The following THADA variants were observed in gnomAD, a reference collection of about 807,000 sequenced individuals.
THADA encodes the protein tRNA (32-2'-O)-methyltransferase regulator THADA.
Under a neutral mutation model 219.8 loss-of-function variants are expected in THADA, and 213 were observed. The ratio of observed to expected loss-of-function variants is 0.97; its 90% CI spans 0.87 to 1.09. The LOEUF (loss-of-function observed/expected upper bound fraction) is 1.09. THADA is among the 50% of genes least tolerant of loss of function. THADA has a pLI of 0.00. For missense variants in THADA, 2,956 were observed against 2,311.3 expected, an observed-to-expected ratio of 1.28 and a Z score of -5.72; for synonymous variants, 1,018 against 828.9, an observed-to-expected ratio of 1.23 and a Z score of -3.92.
intron 26 of THADA, among the ~76,000 whole-genome samples, chr2:43,437,243 C>T (rs1196258859): frequency 6.6e-6 from 1 of 152,194 alleles, no homozygotes; most frequent in Non-Finnish European, 1.5e-5. Context: ...TTTTCTTAGA[C>T]TTCCAATCTA....
chr2:43,349,249 G>T (rs1399916977), intron 29 of THADA, among the ~76,000 whole-genome samples: 2 of 152,144 alleles, frequency 1.3e-5, no homozygotes, highest in African/African-American at 4.8e-5. Context: ...CTTAATGAAA[G>T]TTTGAGGGGA....
chr2:43,473,621 T>A (rs1211171829), intron 26 of THADA, among the ~76,000 whole-genome samples: 1 of 152,136 alleles, frequency 6.6e-6, no homozygotes, highest in Non-Finnish European at 1.5e-5. Flanking sequence ...TGTTAGGCTT[T>A]TTTTTTTGAG....
chr2:43,294,825 T>C (rs958148724), intron 31 of THADA, among the ~76,000 whole-genome samples: 5 of 149,270 alleles, frequency 3.3e-5, no homozygotes, highest in Admixed American at 3.3e-4. Flanking sequence ...GGTGATCATT[T>C]AAAAAGGCAA....
chr2:43,358,151 T>C (rs1021683463), intron 29 of THADA, among the ~76,000 whole-genome samples: 7 of 152,220 alleles, frequency 4.6e-5, no homozygotes, highest in Non-Finnish European at 8.8e-5. Context: ...TGAATCTGTA[T>C]AATGACTACC....
chr2:43,310,214 C>T (rs1209356283), intron 31 of THADA, among the ~76,000 whole-genome samples: 1 of 79,594 alleles, frequency 1.3e-5, no homozygotes, highest in Non-Finnish European at 2.4e-5. Context: ...TCCCTCCCTC[C>T]CTCCCTTTCC....
intron 22 of THADA, among the ~76,000 whole-genome samples, chr2:43,509,349 A>G (rs1056778423): frequency 1.3e-5 from 2 of 152,204 alleles, no homozygotes; most frequent in African/African-American, 4.8e-5. Context: ...GAGCTTCTGC[A>G]TTATTACATT....
chr2:43,312,349 G>A (rs1429439937), intron 31 of THADA, among the ~76,000 whole-genome samples: 1 of 152,128 alleles, frequency 6.6e-6, no homozygotes, highest in Non-Finnish European at 1.5e-5. Flanking sequence ...CATTATATGA[G>A]GCCTTTAACT....
chr2:43,296,358 C>T (rs1012131225), intron 31 of THADA, among the ~76,000 whole-genome samples: 1 of 151,724 alleles, frequency 6.6e-6, no homozygotes, highest in Non-Finnish European at 1.5e-5. Flanking sequence ...TCACTGCAAC[C>T]TTCGCCTCCC....
chr2:43,335,388 G>A (rs977380036), intron 30 of THADA, among the ~76,000 whole-genome samples: 1 of 152,162 alleles, frequency 6.6e-6, no homozygotes, highest in South Asian at 2.1e-4. Context: ...GTGTGAAAAC[G>A]GATAAATCCT....
At chr2:43,312,075 T>C (rs1335422045) in intron 31 of THADA, among the ~76,000 whole-genome samples, 2 of 151,946 alleles carry the variant, frequency 1.3e-5, no homozygotes, top group East Asian at 1.9e-4. Context: ...AACCACTAGG[T>C]TGGCATAGTG....
chr2:43,328,297 T>C (rs1326035785), intron 30 of THADA, among the ~76,000 whole-genome samples: 1 of 152,204 alleles, frequency 6.6e-6, no homozygotes, highest in Admixed American at 6.5e-5. Flanking sequence ...GGCAGAAGCT[T>C]GTAGGGCCTG....
rs116191201 is a variant in THADA at position 43,428,724 on chromosome 2, C to A, written c.3927-493G>T. ...AAATGTGCATCATAAGAAAAAACTACTAGCAAAACAGGGAAATGGGCTTTC... is the reference window on the plus strand; with the variant it reads ...AAATGTGCATCATAAGAAAAAACTAATAGCAAAACAGGGAAATGGGCTTTC... On this transcript the variant is annotated intron_variant, in intron 27 of 37. Transcript: ENST00000405975. Among the ~76,000 whole-genome samples the A allele has an allele frequency of 4.7e-3, 714 of 152,062 alleles. 4 individuals are homozygous for A. The highest frequency in any genetic ancestry group is 0.016 in the African/African-American group (681 of 41,456).
intron 26 of THADA, among the ~76,000 whole-genome samples, chr2:43,474,077 T>A (rs907485387): frequency 3.9e-5 from 6 of 152,190 alleles, no homozygotes; most frequent in Admixed American, 6.5e-5. Context: ...TGTCATTGAC[T>A]GAAATGTTAT....
At chr2:43,532,133 C>T (rs769759140) in intron 21 of THADA, among the ~76,000 whole-genome samples, 1 of 151,832 alleles carries the variant, frequency 6.6e-6, no homozygotes, top group Non-Finnish European at 1.5e-5. Flanking sequence ...TGAAAGAGGC[C>T]AGGCACGGTG....
At chr2:43,361,065 G>A (rs1167706166) in intron 29 of THADA, among the ~76,000 whole-genome samples, 1 of 152,142 alleles carries the variant, frequency 6.6e-6, no homozygotes, top group African/African-American at 2.4e-5. Context: ...ACAACTGAAA[G>A]GGGGTGCTAC....
intron 26 of THADA, 35 bp downstream of exon 26, chr2:43,485,199 T>TA (rs772162298): frequency 2.6e-6 from 4 of 1,535,922 alleles, no homozygotes; most frequent in African/African-American, 2.7e-5. Flanking sequence ...TTGTATTTTT[T>TA]AAAAAAAGTA....
intron 25 of THADA, among the ~76,000 whole-genome samples, chr2:43,496,375 C>T (rs1323148362): frequency 6.6e-6 from 1 of 152,182 alleles, no homozygotes; most frequent in Non-Finnish European, 1.5e-5. Flanking sequence ...AGTTTTGAAT[C>T]AAAATGCTTC....
intron 21 of THADA, among the ~76,000 whole-genome samples, chr2:43,539,403 A>G (rs1695018380): frequency 6.6e-6 from 1 of 152,236 alleles, no homozygotes; most frequent in Non-Finnish European, 1.5e-5. Context: ...AATTTAAAGG[A>G]AGTTCATGGG....
chr2:43,283,251 T>C (rs1475923757), intron 35 of THADA, among the ~76,000 whole-genome samples: 3 of 152,306 alleles, frequency 2.0e-5, no homozygotes, highest in Admixed American at 6.5e-5. Flanking sequence ...ACCTCTTTTC[T>C]TGATGAATTA....
Sources: allele counts gnomAD v4.1 joint callset (sites outside exome capture counted in the v4.1 genomes callset), GRCh38; gene constraint gnomAD v4.1.1; transcripts MANE v1.5; gene names NCBI Gene and HGNC (gene_info 2026-07-23, HGNC 2026-07-21).